The following SLC8A1 variants were observed in gnomAD, a reference collection of about 807,000 sequenced individuals.
SLC8A1 encodes the protein sodium/calcium exchanger 1.
A neutral mutation model predicts 68.3 loss-of-function variants in SLC8A1; 18 were observed. The ratio of observed to expected loss-of-function variants is 0.26; its 90% confidence interval spans 0.18 to 0.39. SLC8A1 has a LOEUF of 0.39. Among genes scored for constraint, SLC8A1 ranks in the 10% least tolerant of loss-of-function variants. SLC8A1 has a pLI of 1.00. For missense variants in SLC8A1, 985 were observed against 1,156.7 expected, an observed-to-expected ratio of 0.85 and a Z score of 2.15; for synonymous variants, 475 against 415.5, an observed-to-expected ratio of 1.14 and a Z score of -1.74.
In SLC8A1 at chr2:40,304,300, G is replaced by A. The variant is rs548370842; in HGVS notation, c.1808+124173C>T. Among the ~76,000 whole-genome samples the A allele has an allele frequency of 9.2e-5, 14 of 152,192 alleles. No individual in the cohort carries two copies. In the South Asian group the frequency reaches 2.5e-3, roughly 27 times the overall value. On this transcript the variant is annotated intron_variant, in intron 2 of 7. Transcript: ENST00000406785. ...CTTGTTCCTTCTTGAAGGAAATAAG[G>A]AGGCTGTTGGAATAGCAATTTTCAA...
chr2:40,262,484 C>G (rs989647731), intron 2 of SLC8A1, among the ~76,000 whole-genome samples: 1 of 152,122 alleles, frequency 6.6e-6, no homozygotes, highest in African/African-American at 2.4e-5. Flanking sequence ...CCAGCAATAT[C>G]TAACTTAAAC....
intron 2 of SLC8A1, among the ~76,000 whole-genome samples, chr2:40,232,472 A>G (rs971221097): frequency 6.7e-6 from 1 of 149,558 alleles, no homozygotes; most frequent in South Asian, 2.1e-4. Context: ...AATGGCCTCT[A>G]TTTACACAAA....
intron 2 of SLC8A1, among the ~76,000 whole-genome samples, chr2:40,313,273 T>G (rs1184250482): frequency 2.0e-5 from 3 of 152,112 alleles, no homozygotes; most frequent in Non-Finnish European, 4.4e-5. Context: ...GATATATAAA[T>G]AGTTCATTCC....
At chr2:40,282,053 C>G (rs1575046707) in intron 2 of SLC8A1, among the ~76,000 whole-genome samples, 1 of 152,304 alleles carries the variant, frequency 6.6e-6, no homozygotes, top group East Asian at 1.9e-4. Context: ...CAAGAGCGTA[C>G]CTTTAATGAC....
At chr2:40,324,657 C>T (rs1320336736) in intron 2 of SLC8A1, among the ~76,000 whole-genome samples, 1 of 152,032 alleles carries the variant, frequency 6.6e-6, no homozygotes, top group African/African-American at 2.4e-5. Context: ...CTCTCCCTCT[C>T]TCCCTTCCTT....
intron 2 of SLC8A1, among the ~76,000 whole-genome samples, chr2:40,301,176 C>T (rs531833951): frequency 1.3e-5 from 2 of 152,282 alleles, no homozygotes; most frequent in Admixed American, 1.3e-4. Flanking sequence ...CCTTCATTCA[C>T]TGAATTCTAT....
intron 7 of SLC8A1, among the ~76,000 whole-genome samples, chr2:40,119,718 A>G (rs568334991): frequency 3.9e-5 from 6 of 152,348 alleles, no homozygotes; most frequent in East Asian, 1.9e-4. Context: ...ATAATAACAC[A>G]TGTATTTTTT....
At chr2:40,434,573 T>G (rs1179319311) in intron 1 of SLC8A1, among the ~76,000 whole-genome samples, 1 of 152,188 alleles carries the variant, frequency 6.6e-6, no homozygotes, top group African/African-American at 2.4e-5. Flanking sequence ...TATGTTGATT[T>G]GCTGCCTGGC....
At chr2:40,253,218 T>G (rs1416465240) in intron 2 of SLC8A1, among the ~76,000 whole-genome samples, 2 of 149,572 alleles carry the variant, frequency 1.3e-5, no homozygotes, top group Non-Finnish European at 3.0e-5. Flanking sequence ...TCTATACATA[T>G]TTACATATAC....
intron 2 of SLC8A1, among the ~76,000 whole-genome samples, chr2:40,390,471 G>A (rs181216103): frequency 6.6e-6 from 1 of 152,094 alleles, no homozygotes; most frequent in Non-Finnish European, 1.5e-5. Context: ...AGAGTCCCTG[G>A]ACCACCAATT....
intron 1 of SLC8A1, among the ~76,000 whole-genome samples, chr2:40,447,194 C>T (rs1455005954): frequency 2.0e-5 from 3 of 152,106 alleles, no homozygotes; most frequent in African/African-American, 4.8e-5. Flanking sequence ...TTCTAGGTTA[C>T]GGGCATTAAT....
At chr2:40,208,834 A>G (rs1394551544) in intron 2 of SLC8A1, among the ~76,000 whole-genome samples, 1 of 152,154 alleles carries the variant, frequency 6.6e-6, no homozygotes, top group Non-Finnish European at 1.5e-5. Flanking sequence ...AATGCACTTT[A>G]AAGAATTCAG....
exon 8 of SLC8A1, chr2:40,097,354 T>C (rs1488407338): frequency 6.6e-6 from 1 of 152,002 alleles, no homozygotes. Flanking sequence ...TTATACAGAA[T>C]TGACTAGTTC....
intron 4 of SLC8A1, among the ~76,000 whole-genome samples, chr2:40,171,393 T>C (rs1233045656): frequency 6.6e-6 from 1 of 152,208 alleles, no homozygotes; most frequent in Non-Finnish European, 1.5e-5. Flanking sequence ...GAACTCTATA[T>C]CTTAGAAGTT....
intron 2 of SLC8A1, among the ~76,000 whole-genome samples, chr2:40,401,503 C>T (rs1321425003): frequency 7.2e-6 from 1 of 138,844 alleles, no homozygotes; most frequent in African/African-American, 2.7e-5. Context: ...ACTTTGTATT[C>T]ATTTTACTGC....
intron 2 of SLC8A1, among the ~76,000 whole-genome samples, chr2:40,184,595 A>T (rs1416597589): frequency 4.6e-5 from 7 of 152,182 alleles, no homozygotes; most frequent in Non-Finnish European, 8.8e-5. Flanking sequence ...CACAACAGTG[A>T]TTATATCTGG....
chr2:40,430,899 G>C (rs1373523260), intron 1 of SLC8A1, among the ~76,000 whole-genome samples: 2 of 152,054 alleles, frequency 1.3e-5, no homozygotes, highest in African/African-American at 4.8e-5. Context: ...ATGTCCTATT[G>C]CTCCACACTT....
At chr2:40,361,580 T>C (rs948885143) in intron 2 of SLC8A1, among the ~76,000 whole-genome samples, 2 of 152,030 alleles carry the variant, frequency 1.3e-5, no homozygotes, top group South Asian at 2.1e-4. Context: ...CAAGACAATC[T>C]GAAGTGCAAT....
At chr2:40,429,182 G>T (rs1162112816) in exon 2 of SLC8A1, 1 of 1,613,702 alleles carries the variant, frequency 6.2e-7, no homozygotes. Context: ...CGAGTAGCTT[G>T]AATGCGATAA....
Sources: allele counts gnomAD v4.1 joint callset (sites outside exome capture counted in the v4.1 genomes callset), GRCh38; gene constraint gnomAD v4.1.1; transcripts MANE v1.5; gene names NCBI Gene and HGNC (gene_info 2026-07-23, HGNC 2026-07-21).